The following ADAMTS12 variants were observed in gnomAD, a reference collection of about 807,000 sequenced individuals.
ADAMTS12 encodes A disintegrin and metalloproteinase with thrombospondin motifs 12.
ADAMTS12 carries 118 observed loss-of-function variants against 167.8 expected under a neutral mutation model. The observed-to-expected ratio is 0.70, with a 90% CI of 0.61 to 0.82. The LOEUF is 0.82. Ranked by LOEUF, ADAMTS12 falls within the 40% of genes least tolerant of loss-of-function variation. The probability of loss-of-function intolerance (pLI) is 0.00; values close to 1 mark genes in which losing one functional copy is unlikely to be tolerated. For synonymous variants in ADAMTS12, 704 were observed against 716.9 expected, an observed-to-expected ratio of 0.98 and a Z score of 0.29; for missense variants, 1,916 against 1,998.8, an observed-to-expected ratio of 0.96 and a Z score of 0.79.
At chr5:33,793,673 T>C (rs911510500) in intron 2 of ADAMTS12, among the ~76,000 whole-genome samples, 1 of 152,168 alleles carries the variant, frequency 6.6e-6, no homozygotes, top group Non-Finnish European at 1.5e-5. Context: ...CAATTTAATA[T>C]CCACAGCAAC....
intron 19 of ADAMTS12, among the ~76,000 whole-genome samples, chr5:33,565,939 C>A (rs988430784): frequency 1.3e-5 from 2 of 152,020 alleles, no homozygotes; most frequent in Admixed American, 6.6e-5. Context: ...ATTCTCAAGA[C>A]AAAATAATTA....
Position 33,684,007 on chromosome 5 carries a change from T to C in ADAMTS12, c.683A>G (p.Glu228Gly), listed in dbSNP as rs745567997. 1 of 1,603,976 alleles carries C rather than the reference T, an allele frequency of 6.2e-7. No homozygotes were observed. Among genetic ancestry groups the C allele is most frequent in the Admixed American group, 1.7e-5 (1 of 59,438 alleles). ...GCTTCTGCTTGGCAAGTTGTGCCTC[T>C]CCCACTTCTCCCGCCATAGCTCTTG... is the stretch of plus-strand genomic sequence containing the variant. ...QKQELWREKWERHNLPSRSLS... is the reference protein window; with the variant it reads ...QKQELWREKWGRHNLPSRSLS... The change falls in exon 4 of 24, where the codon GAG (glutamate) becomes GGG (glycine). Residue 228 changes from glutamate (E) to glycine (G), a missense_variant. Glu to Gly is a moderately conservative substitution (Grantham distance 98, BLOSUM62 -2). Coordinates refer to ENST00000504830, the MANE Select transcript of ADAMTS12 (RefSeq NM_030955.4).
chr5:33,811,328 T>C (rs1747453462), intron 2 of ADAMTS12, among the ~76,000 whole-genome samples: 1 of 152,072 alleles, frequency 6.6e-6, no homozygotes, highest in East Asian at 1.9e-4. Flanking sequence ...ATATATATAG[T>C]TTTTTAGAAG....
In ADAMTS12 at chr5:33,615,905, C is replaced by T. The variant is rs1738982163; in HGVS notation, c.2311G>A (p.Val771Ile). The change falls in exon 15 of 24, where the codon GTC becomes ATC. Residue 771 changes from valine to isoleucine, a missense_variant. Transcript: ENST00000504830. ...TCTCCTTTCCTGTCATACTGAAAGA[C>T]AGTCCCTGCCAGCTTATAGTTCCCG... ...WNGNYKLAGT[V>I]FQYDRKGDLE... is the part of the protein sequence containing the mutation. 3 of 1,614,050 alleles carry T rather than the reference C, an allele frequency of 1.9e-6. No homozygotes were observed. Among genetic ancestry groups the T allele is most frequent in the Non-Finnish European group, 2.5e-6 (3 of 1,180,028 alleles).
intron 21 of ADAMTS12, among the ~76,000 whole-genome samples, chr5:33,548,662 A>G (rs1211303390): frequency 6.6e-6 from 1 of 151,912 alleles, no homozygotes; most frequent in Non-Finnish European, 1.5e-5. Context: ...GTGCCAAAGT[A>G]AAACTAAGAC....
rs111364148 is a variant in ADAMTS12, at chr5:33,839,677, T to C, written c.489+41442A>G. On this transcript the variant is annotated intron_variant, in intron 2 of 23. Transcript: ENST00000504830. ...GCCTCCTAGGTTTGACTGTCCACTT[T>C]AAAACTCCTCCCACAACACAGTGTT... Among the ~76,000 whole-genome samples the C allele has an allele frequency of 3.4e-3, 512 of 152,256 alleles. 4 individuals are homozygous for C. The highest frequency in any genetic ancestry group is 0.012 in the African/African-American group (495 of 41,536).
intron 18 of ADAMTS12, among the ~76,000 whole-genome samples, chr5:33,581,113 C>T (rs147164698): frequency 9.8e-5 from 15 of 152,304 alleles, no homozygotes; most frequent in Middle Eastern, 3.4e-3. Flanking sequence ...GTATTCAGCT[C>T]CACGCTTCTT....
At position 33,549,189 on chromosome 5, in the gene ADAMTS12, C is replaced by T. The variant is rs1579650900; in HGVS notation, c.4302+18G>A. On this transcript the variant is annotated intron_variant, in intron 21 of 23. Coordinates refer to ENST00000504830, the MANE Select transcript of ADAMTS12 (RefSeq NM_030955.4). The stretch of plus-strand genomic sequence containing the variant: ...GCCAGGTTGTGTGAGGACATCTCTC[C>T]CTTTGTGGGGGACCTACCTGGCTCC... The T allele has an allele frequency of 3.1e-6, 5 of 1,608,794 alleles. No individual in the cohort carries two copies. Among genetic ancestry groups the T allele is most frequent in the Non-Finnish European group, 4.3e-6 (5 of 1,175,972 alleles).
chr5:33,738,663 C>A (rs1744451191), intron 3 of ADAMTS12, among the ~76,000 whole-genome samples: 1 of 152,220 alleles, frequency 6.6e-6, no homozygotes, highest in Admixed American at 6.5e-5. Flanking sequence ...AACATCAGTG[C>A]CATGGGAAAC....
At chr5:33,627,247 G>T (rs1739699638) in intron 13 of ADAMTS12, among the ~76,000 whole-genome samples, 1 of 150,930 alleles carries the variant, frequency 6.6e-6, no homozygotes, top group Admixed American at 6.6e-5. Flanking sequence ...GATGGTGGTG[G>T]TGGTGGTGGT....
At chr5:33,694,284 T>C (rs1742670019) in intron 3 of ADAMTS12, among the ~76,000 whole-genome samples, 1 of 152,216 alleles carries the variant, frequency 6.6e-6, no homozygotes, top group African/African-American at 2.4e-5. Flanking sequence ...AATGTCTGAC[T>C]TTATAACAGA....
At chr5:33,694,603 A>G (rs1742683751) in intron 3 of ADAMTS12, among the ~76,000 whole-genome samples, 1 of 151,822 alleles carries the variant, frequency 6.6e-6, no homozygotes, top group Non-Finnish European at 1.5e-5. Flanking sequence ...GAAAGACTGA[A>G]CGCAGAGAGC....
At chr5:33,530,086 A>ATTT (rs35615625) in intron 23 of ADAMTS12, among the ~76,000 whole-genome samples, 4,780 of 149,618 alleles carry the variant, frequency 0.032, 189 homozygotes, top group South Asian at 0.22. Context: ...TGCCCAGCTA[A>ATTT]TTTTTTTTTT....
intron 3 of ADAMTS12, among the ~76,000 whole-genome samples, chr5:33,691,691 G>C (rs952220383): frequency 1.3e-5 from 2 of 152,160 alleles, no homozygotes; most frequent in African/African-American, 4.8e-5. Context: ...AGTTAGGGCT[G>C]GTCCTAAGCT....
intron 2 of ADAMTS12, among the ~76,000 whole-genome samples, chr5:33,808,439 A>C (rs1747322963): frequency 6.6e-6 from 1 of 152,228 alleles, no homozygotes; most frequent in African/African-American, 2.4e-5. Flanking sequence ...GGAGATTCTA[A>C]TGTGTAGTCA....
At chr5:33,837,664 C>T (rs1477905073) in intron 2 of ADAMTS12, among the ~76,000 whole-genome samples, 1 of 152,178 alleles carries the variant, frequency 6.6e-6, no homozygotes, top group Non-Finnish European at 1.5e-5. Flanking sequence ...TCTTGAAGTG[C>T]ATGATGATTT....
At chr5:33,655,897 A>C (rs1260333732) in intron 7 of ADAMTS12, among the ~76,000 whole-genome samples, 9 of 151,842 alleles carry the variant, frequency 5.9e-5, no homozygotes, top group African/African-American at 2.2e-4. Context: ...TATGAGTGGG[A>C]ATATGAGGTA....
intron 1 of ADAMTS12, among the ~76,000 whole-genome samples, chr5:33,891,352 A>G (rs1443985342): frequency 1.3e-5 from 2 of 151,806 alleles, no homozygotes; most frequent in Non-Finnish European, 1.5e-5. Context: ...GACGGCCAGT[A>G]GCCAGTTAGC....
intron 2 of ADAMTS12, among the ~76,000 whole-genome samples, chr5:33,781,073 A>C (rs1048970898): frequency 1.3e-5 from 2 of 152,202 alleles, no homozygotes; most frequent in East Asian, 3.8e-4. Flanking sequence ...GATTAAGTGA[A>C]TAGCACAGCT....
Sources: gnomAD v4.1 joint callset for allele counts (sites outside exome capture counted in the v4.1 genomes callset) on GRCh38, gnomAD v4.1.1 for gene constraint, MANE v1.5 for transcripts, NCBI Gene and HGNC (gene_info 2026-07-23, HGNC 2026-07-21) for gene names.